SLTM: variants seen among roughly 807,000 people sequenced by gnomAD.
SLTM encodes the protein SAFB-like transcription modulator.
In SLTM, 43 loss-of-function variants were observed where a neutral mutation model predicts 134.6. That is an observed-to-expected ratio of 0.32 (90% confidence interval 0.25 to 0.41). The LOEUF is 0.41. Among genes scored for constraint, SLTM ranks in the 10% least tolerant of loss-of-function variants. SLTM has a pLI of 1.00. For missense variants in SLTM, 1,055 were observed against 1,288.8 expected, an observed-to-expected ratio of 0.82 and a Z score of 2.78; for synonymous variants, 424 against 432.3, an observed-to-expected ratio of 0.98 and a Z score of 0.24.
chr15:58,904,544 A>ATTT (rs34047153), intron 5 of SLTM, among the ~76,000 whole-genome samples: 6 of 138,674 alleles, frequency 4.3e-5, no homozygotes, highest in East Asian at 4.3e-4. Flanking sequence ...TGCTCTAAGA[A>ATTT]TTTTTTTTTT....
intron 18 of SLTM, 41 bp from the exon 19 acceptor site, chr15:58,887,160 A>C (rs775217701): frequency 1.2e-6 from 2 of 1,612,786 alleles, no homozygotes; most frequent in Admixed American, 3.3e-5. Context: ...TCAAAACTGT[A>C]ATCTTAACTT....
chr15:58,897,335 A>G, intron 8 of SLTM, 102 bp from the exon 9 acceptor site: 1 of 653,640 alleles, frequency 1.5e-6, no homozygotes, highest in Admixed American at 2.6e-5. Flanking sequence ...TGATAGTATG[A>G]CGTTACTATA....
chr15:58,923,704 C>T (rs1332481380), intron 2 of SLTM, among the ~76,000 whole-genome samples: 1 of 151,866 alleles, frequency 6.6e-6, no homozygotes, highest in Non-Finnish European at 1.5e-5. Flanking sequence ...CCTCTTTTGT[C>T]CTACAGGGAA....
intron 15 of SLTM, 40 bp from the exon 16 acceptor site, chr15:58,889,594 TG>T: frequency 6.2e-7 from 1 of 1,610,566 alleles, no homozygotes; most frequent in Non-Finnish European, 8.5e-7. Flanking sequence ...CAAGGCAAAA[TG>T]AAAACATAAG....
At chr15:58,895,944 T>A (rs1389658982) in intron 9 of SLTM, among the ~76,000 whole-genome samples, 1 of 152,196 alleles carries the variant, frequency 6.6e-6, no homozygotes, top group East Asian at 1.9e-4. Context: ...AATTTCAATA[T>A]CTGAAAGCCT....
intron 7 of SLTM, 81 bp from the exon 8 acceptor site, chr15:58,898,933 A>G: frequency 1.0e-6 from 1 of 993,910 alleles, no homozygotes; most frequent in South Asian, 1.4e-5. Flanking sequence ...TATTTACTAT[A>G]TTTCAAACTA....
rs1334165520 is a variant in SLTM at position 58,894,437 on chromosome 15, T to C, written c.1373A>G (p.Glu458Gly). 3.7e-6 allele frequency: 6 copies of C among 1,614,122 alleles called. No individual in the cohort carries two copies. The highest frequency in any genetic ancestry group is 5.1e-6 in the Non-Finnish European group (6 of 1,180,006). Residue 458 changes from glutamate to glycine, a missense_variant, in exon 10 of 21, where the codon GAA (glutamate) becomes GGA (glycine). Glu to Gly is a moderately conservative substitution (Grantham distance 98, BLOSUM62 -2). Transcript: ENST00000380516. ...TELHGQLISV[E>G]KVKGDPSKKE... Reference sequence around the variant, plus strand: ...TAAACAGTTAGGGAAGCTTACTTTTTCAACAGAAATCAGCTGTCCATGCAG... The same window carrying C: ...TAAACAGTTAGGGAAGCTTACTTTTCCAACAGAAATCAGCTGTCCATGCAG...
intron 5 of SLTM, among the ~76,000 whole-genome samples, chr15:58,910,360 T>C (rs1234830264): frequency 6.6e-6 from 1 of 152,206 alleles, no homozygotes; most frequent in Non-Finnish European, 1.5e-5. Flanking sequence ...TAGATACATT[T>C]ATGTTTCTAG....
chr15:58,884,638 AT>A (rs578073386), intron 19 of SLTM, among the ~76,000 whole-genome samples: 12 of 146,588 alleles, frequency 8.2e-5, no homozygotes, highest in Non-Finnish European at 9.1e-5. Context: ...TTAAAAAATA[AT>A]TTTTTTTTTT....
At chr15:58,916,865 A>T in intron 3 of SLTM, 70 bp downstream of exon 3, 1 of 1,390,988 alleles carries the variant, frequency 7.2e-7, no homozygotes. Context: ...TTCAACAAAA[A>T]GCACAAAATT....
At position 58,919,947 on chromosome 15, in the gene SLTM, G is replaced by T. The variant is rs1308354537; in HGVS notation, c.251-2948C>A. Among the ~76,000 whole-genome samples the T allele has an allele frequency of 2.6e-5, 4 of 152,198 alleles. No homozygotes were observed. The South Asian group carries it at 6.2e-4, about 24-fold the overall frequency. On this transcript the variant is annotated intron_variant, in intron 2 of 20. Coordinates refer to ENST00000380516, the MANE Select transcript of SLTM (RefSeq NM_024755.4). ...AAGCCAGGATTTCGTGACCAATCTT[G>T]TCCTGCCACTATATCTTATTATGAC... is the stretch of plus-strand genomic sequence containing the variant.
Position 58,932,337 on chromosome 15 carries a change from G to A in SLTM, c.250+19C>T. 1 of 1,579,258 alleles carries A rather than the reference G, an allele frequency of 6.3e-7. No individual in the cohort carries two copies. Among genetic ancestry groups the A allele is most frequent in the South Asian group, 1.1e-5 (1 of 90,310 alleles). ...ATAACCAAAATATATTTTAAAACAT[G>A]TTCATAACTCGTAACAACCTTTGCC... On this transcript the variant is annotated intron_variant, in intron 2 of 20. Transcript: ENST00000380516.
At chr15:58,885,746 G>A (rs1239783396) in intron 19 of SLTM, among the ~76,000 whole-genome samples, 1 of 151,866 alleles carries the variant, frequency 6.6e-6, no homozygotes, top group Non-Finnish European at 1.5e-5. Flanking sequence ...ATCGCACCAC[G>A]GCATGTCAGC....
chr15:58,927,786 A>C (rs1224640074), intron 2 of SLTM, among the ~76,000 whole-genome samples: 3 of 152,202 alleles, frequency 2.0e-5, no homozygotes, highest in Non-Finnish European at 4.4e-5. Flanking sequence ...AGTCCTCCTC[A>C]ATGCCACAGT....
At chr15:58,918,203 G>A (rs1050601903) in intron 2 of SLTM, among the ~76,000 whole-genome samples, 9 of 150,628 alleles carry the variant, frequency 6.0e-5, no homozygotes, top group Non-Finnish European at 3.0e-5. Context: ...ATAAAAAAAA[G>A]ACATCTGCTG....
intron 5 of SLTM, among the ~76,000 whole-genome samples, chr15:58,903,093 G>C (rs1233694351): frequency 6.6e-6 from 1 of 151,832 alleles, no homozygotes; most frequent in Non-Finnish European, 1.5e-5. Flanking sequence ...GTAGAGATGG[G>C]GTTTCACCAT....
At chr15:58,888,943 G>GT in intron 16 of SLTM, among the ~76,000 whole-genome samples, 1 of 152,274 alleles carries the variant, frequency 6.6e-6, no homozygotes, top group East Asian at 1.9e-4. Flanking sequence ...CGTTAGAGTG[G>GT]TAAGTCAGAA....
intron 7 of SLTM, 39 bp from the exon 8 acceptor site, chr15:58,898,891 A>G: frequency 1.4e-6 from 2 of 1,462,280 alleles, no homozygotes; most frequent in East Asian, 4.6e-5. Flanking sequence ...TGAAAACAAA[A>G]ACAAAAACAA....
chr15:58,908,355 C>T (rs1191541164), intron 5 of SLTM, among the ~76,000 whole-genome samples: 1 of 151,988 alleles, frequency 6.6e-6, no homozygotes, highest in Non-Finnish European at 1.5e-5. Flanking sequence ...GCCACTGCAT[C>T]CAGCCAGATT....
Sources: gnomAD v4.1 joint callset for allele counts (sites outside exome capture counted in the v4.1 genomes callset) on GRCh38, gnomAD v4.1.1 for gene constraint, MANE v1.5 for transcripts, NCBI Gene and HGNC (gene_info 2026-07-23, HGNC 2026-07-21) for gene names.